The following RLF variants were observed in gnomAD, a reference collection of about 807,000 sequenced individuals.
RLF encodes zinc finger protein Rlf.
RLF carries 7 observed loss-of-function variants against 162.9 expected under a neutral mutation model. The observed-to-expected ratio is 0.04, with a 90% CI of 0.02 to 0.08. RLF has a LOEUF of 0.08. RLF is among the 10% of genes least tolerant of loss of function. The probability of loss-of-function intolerance (pLI) is 1.00; values close to 1 mark genes in which losing one functional copy is unlikely to be tolerated. For synonymous variants in RLF, 782 were observed against 791.5 expected (o/e 0.99, Z 0.20); for missense variants, 1,664 against 2,244.7 (o/e 0.74, Z 5.23).
In RLF at chr1:40,238,288, C is replaced by G; in HGVS notation, c.3586C>G (p.Gln1196Glu). The change falls in exon 8 of 8, where the codon CAA (glutamine) becomes GAA (glutamate). Residue 1196 changes from glutamine to glutamate, a missense_variant. Gln to Glu is a conservative substitution (Grantham distance 29). Coordinates refer to ENST00000372771, the MANE Select transcript of RLF (RefSeq NM_012421.4). The surrounding 1 kb of genome is among the most constrained non-coding windows in gnomAD (Gnocchi z 5.2). ...TAGGATTCATTATAAAAATAAACATCAAATTGGCAGTGACAGAGCAACTCA... is the reference window on the plus strand; with the variant it reads ...TAGGATTCATTATAAAAATAAACATGAAATTGGCAGTGACAGAGCAACTCA... ...HLRIHYKNKHQIGSDRATHKL... is the reference protein window; with the variant it reads ...HLRIHYKNKHEIGSDRATHKL... 6.2e-7 allele frequency: 1 copy of G among 1,613,950 alleles called. No individual in the cohort carries two copies. Among genetic ancestry groups the G allele is most frequent in the Non-Finnish European group, 8.5e-7 (1 of 1,179,934 alleles).
chr1:40,237,264 G>T lies in RLF; in HGVS notation c.2562G>T (p.Gln854His). ...GTGAAAAGCAAGATTGTATTAATCA[G>T]CCCCATCTACTTAACCAAACTGATA... ...ATGEKQDCIN[Q>H]PHLLNQTDKS... Residue 854 changes from glutamine to histidine, a missense_variant, in exon 8 of 8, where the codon CAG becomes CAT. By Grantham distance (24) the Gln-to-His change is conservative. Transcript: ENST00000372771. The surrounding 1 kb of genome is among the most constrained non-coding windows in gnomAD (Gnocchi z 4.4). 6.2e-7 allele frequency: 1 copy of T among 1,614,002 alleles called. No homozygotes were observed. Among genetic ancestry groups the T allele is most frequent in the Non-Finnish European group, 8.5e-7 (1 of 1,179,990 alleles).
rs765630745 is a variant in RLF at position 40,239,563 on chromosome 1, G to T, written c.4861G>T (p.Glu1621Ter). 1 of 1,614,016 alleles carries T rather than the reference G, an allele frequency of 6.2e-7. No homozygotes were observed. Among genetic ancestry groups the T allele is most frequent in the Admixed American group, 1.7e-5 (1 of 59,996 alleles). Residue 1621 changes from glutamate to a stop codon, truncating the protein, a stop_gained, in exon 8 of 8, where the codon GAG (glutamate) becomes TAG (stop). Transcript: ENST00000372771. LOFTEE classifies it high-confidence loss of function. ...KKEENRSCES[E>*]RTEHSHSPGD... The stretch of plus-strand genomic sequence containing the variant: ...AGAAGAAAATAGAAGCTGTGAATCA[G>T]AGCGCACAGAACACAGCCATTCCCC...
chr1:40,228,715 G>C (rs1251772069), intron 6 of RLF, among the ~76,000 whole-genome samples: 1 of 134,670 alleles, frequency 7.4e-6, no homozygotes, highest in South Asian at 2.2e-4. Flanking sequence ...TTGAACTCCT[G>C]GGCTCAAGTG....
At chr1:40,213,473 T>C (rs1642888306) in intron 5 of RLF, among the ~76,000 whole-genome samples, 1 of 152,244 alleles carries the variant, frequency 6.6e-6, no homozygotes. Context: ...ATCATAGTAC[T>C]GGTCTGTAGC....
At chr1:40,194,806 AGTT>A (rs1642607355) in intron 3 of RLF, among the ~76,000 whole-genome samples, 1 of 121,320 alleles carries the variant, frequency 8.2e-6, no homozygotes, top group Non-Finnish European at 1.7e-5. Context: ...AAAACATCCT[AGTT>A]ATTTATTTAT....
rs748657708 is a variant in RLF, at chr1:40,236,597, G to A, written c.1895G>A (p.Ser632Asn). Residue 632 changes from serine to asparagine, a missense_variant, in exon 8 of 8, where the codon AGC becomes AAC. Coordinates refer to ENST00000372771, the MANE Select transcript of RLF (RefSeq NM_012421.4). The surrounding 1 kb of genome is among the most constrained non-coding windows in gnomAD (Gnocchi z 7.7). ...TCTCAAAAGGGTATTTGTCCTAAGA[G>A]CCCCTCTGCAATCCCAGAGCAAAAC... ...KGSQKGICPK[S>N]PSAIPEQNHS... The A allele has an allele frequency of 3.1e-6, 5 of 1,614,000 alleles. No individual in the cohort carries two copies. In the East Asian group the frequency reaches 1.1e-4, roughly 36 times the overall value.
chr1:40,210,520 G>A (rs1415828958), intron 5 of RLF, among the ~76,000 whole-genome samples: 1 of 152,230 alleles, frequency 6.6e-6, no homozygotes, highest in African/African-American at 2.4e-5. Context: ...ACCTGTTGGG[G>A]TTGGAAAAGA....
chr1:40,161,570 G>T lies in RLF; in HGVS notation c.171G>T (p.Glu57Asp). Residue 57 changes from glutamate (E) to aspartate (D), a missense_variant, in exon 1 of 8, where the codon GAG becomes GAT. Transcript: ENST00000372771. The surrounding 1 kb of genome is among the most constrained non-coding windows in gnomAD (Gnocchi z 4.4). Reference protein sequence around the residue: ...SGLRPCLWQLETELREQEVSE... With the variant: ...SGLRPCLWQLDTELREQEVSE... Reference sequence around the variant, plus strand: ...TGCGGCCGTGTCTGTGGCAGCTGGAGACAGAGCTGAGGGAGCAAGAGGTGT... The same window carrying T: ...TGCGGCCGTGTCTGTGGCAGCTGGATACAGAGCTGAGGGAGCAAGAGGTGT... The T allele has an allele frequency of 6.2e-7, 1 of 1,612,656 alleles. No homozygotes were observed. Among genetic ancestry groups the T allele is most frequent in the South Asian group, 1.1e-5 (1 of 90,836 alleles).
chr1:40,214,668 C>A (rs2124549214), intron 5 of RLF, among the ~76,000 whole-genome samples: 1 of 151,726 alleles, frequency 6.6e-6, no homozygotes, highest in South Asian at 2.1e-4. Flanking sequence ...ACCTGTAATC[C>A]CAGCACTTTG....
At chr1:40,186,165 AAAAG>A (rs1445641776) in intron 1 of RLF, among the ~76,000 whole-genome samples, 3 of 151,972 alleles carry the variant, frequency 2.0e-5, no homozygotes, top group South Asian at 4.1e-4. Flanking sequence ...TAAAAAAACA[AAAAG>A]AAAGAAAGAA....
chr1:40,185,843 C>CAAA (rs33982008), intron 1 of RLF, among the ~76,000 whole-genome samples: 67 of 67,534 alleles, frequency 9.9e-4, no homozygotes, highest in African/African-American at 2.3e-3. Flanking sequence ...AAAAAAAAAG[C>CAAA]AAAAAAAAAA....
At chr1:40,204,683 A>G (rs757753197) in intron 5 of RLF, among the ~76,000 whole-genome samples, 3 of 151,846 alleles carry the variant, frequency 2.0e-5, no homozygotes, top group Non-Finnish European at 4.4e-5. Context: ...CAGCCTCCCA[A>G]AGTGCTGGGA....
At chr1:40,231,396 T>G in intron 6 of RLF, 121 bp from the exon 7 acceptor site, 1 of 752,566 alleles carries the variant, frequency 1.3e-6, no homozygotes, top group Non-Finnish European at 2.2e-6. Context: ...AGACAGCTTT[T>G]AATCTAGTTT....
In RLF at chr1:40,235,796, A is replaced by G. The variant is rs1216264248; in HGVS notation, c.1094A>G (p.Gln365Arg). The G allele has an allele frequency of 6.5e-7, 1 of 1,546,212 alleles. No individual in the cohort carries two copies. The highest frequency in any genetic ancestry group is 8.7e-7 in the Non-Finnish European group (1 of 1,150,700). ...CLIRVIQTEA[Q>R]DAGLGVSILL... The stretch of plus-strand genomic sequence containing the variant: ...TTTATCCTCTTTTACTTACAGGCAC[A>G]AGATGCTGGTCTTGGGGTGTCAATT... The change falls in exon 8 of 8, where the codon CAA becomes CGA. Residue 365 changes from glutamine (Q) to arginine (R), a missense_variant. Gln to Arg is a conservative substitution (Grantham distance 43). Around this residue, in one of 15 missense-constraint regions of RLF, gnomAD observed 287 missense variants for 404.9 expected, o/e 0.71. Coordinates refer to ENST00000372771, the MANE Select transcript of RLF (RefSeq NM_012421.4).
rs116988486 is a variant in RLF, at chr1:40,165,759, T to G, written c.237+4123T>G. Among the ~76,000 whole-genome samples, 167 of 152,314 alleles carry G rather than the reference T, an allele frequency of 1.1e-3. 2 individuals are homozygous for G. In the East Asian group the frequency reaches 0.028, roughly 26 times the overall value. On this transcript the variant is annotated intron_variant, in intron 1 of 7. Transcript: ENST00000372771. ...AAATATAATCTTGTTCGTCACTTTA[T>G]TCCCTAAAATACCTCAATTCCTCCC...
chr1:40,170,619 T>C (rs946507199), intron 1 of RLF, among the ~76,000 whole-genome samples: 1 of 152,198 alleles, frequency 6.6e-6, no homozygotes, highest in African/African-American at 2.4e-5. Context: ...TTGCAGATAC[T>C]GTATTTGTGC....
At chr1:40,204,557 C>T (rs759191931) in intron 5 of RLF, among the ~76,000 whole-genome samples, 1 of 151,946 alleles carries the variant, frequency 6.6e-6, no homozygotes, top group Non-Finnish European at 1.5e-5. Flanking sequence ...CAGAAACATG[C>T]CACCATTCCC....
chr1:40,223,356 G>A (rs900649439), intron 6 of RLF, among the ~76,000 whole-genome samples: 3 of 152,172 alleles, frequency 2.0e-5, no homozygotes, highest in Non-Finnish European at 4.4e-5. Flanking sequence ...CTGTCAGTAA[G>A]TATCAGATTA....
intron 6 of RLF, among the ~76,000 whole-genome samples, chr1:40,229,462 T>TC (rs1362577491): frequency 6.9e-6 from 1 of 145,132 alleles, no homozygotes; most frequent in Non-Finnish European, 1.5e-5. Context: ...TTTTTTTTTT[T>TC]TTTTTTTTTT....
Sources: gnomAD v4.1 joint callset for allele counts (sites outside exome capture counted in the v4.1 genomes callset) on GRCh38, gnomAD v4.1.1 for gene constraint, gnomAD v4.1.1 regional missense constraint, Gnocchi (gnomAD v3.1) non-coding constraint, MANE v1.5 for transcripts, NCBI Gene and HGNC (gene_info 2026-07-23, HGNC 2026-07-21) for gene names.